NPR3: variants seen among roughly 807,000 people sequenced by gnomAD.
The protein encoded by NPR3 is atrial natriuretic peptide receptor 3.
NPR3 carries 34 observed loss-of-function variants against 54.5 expected under a neutral mutation model. That is an observed-to-expected ratio of 0.62 (90% CI 0.47 to 0.83). The LOEUF is 0.83. Among genes scored for constraint, NPR3 ranks in the 40% least tolerant of loss-of-function variants. The pLI is 0.00. For missense variants in NPR3, 674 were observed against 720.8 expected (o/e 0.94, Z 0.74); for synonymous variants, 289 against 297.1 (o/e 0.97, Z 0.28).
intron 3 of NPR3, among the ~76,000 whole-genome samples, chr5:32,742,163 T>C (rs1740071243): frequency 6.6e-6 from 1 of 152,114 alleles, no homozygotes. Context: ...ATGCCCATCA[T>C]GAGCTCTTCG....
chr5:32,711,872 C>T lies in NPR3; in HGVS notation c.96C>T (p.Gly32=). 9 of 1,463,692 alleles carry T rather than the reference C, an allele frequency of 6.1e-6. No homozygotes were observed. The highest frequency in any genetic ancestry group is 2.8e-5 in the Admixed American group (1 of 35,332). 90.7% of individuals were successfully genotyped at this position (1,463,692 alleles called of 1,614,324 possible). A position where few individuals can be genotyped will look rare whatever the true frequency, so the allele number is the denominator to read the frequency against. Residue 32 remains glycine (G), a synonymous_variant, in exon 1 of 8, where the codon GGC becomes GGT. Transcript: ENST00000265074. Reference sequence around the variant, plus strand: ...CCGGTGGCGGTGGCGTTGGCGGCGGCGGCGGTGGCGCGGGCATAGGCGGCG... The same window carrying T: ...CCGGTGGCGGTGGCGTTGGCGGCGGTGGCGGTGGCGCGGGCATAGGCGGCG... ...GGTGGGGVGG[G]GGGAGIGGGR...
At chr5:32,781,886 A>T (rs1042643820) in intron 5 of NPR3, among the ~76,000 whole-genome samples, 6 of 152,122 alleles carry the variant, frequency 3.9e-5, no homozygotes, top group African/African-American at 1.4e-4. Context: ...CTTCCTCTAG[A>T]CCTGACATGG....
At chr5:32,746,627 G>A (rs942308071) in intron 3 of NPR3, among the ~76,000 whole-genome samples, 1 of 152,148 alleles carries the variant, frequency 6.6e-6, no homozygotes, top group Non-Finnish European at 1.5e-5. Flanking sequence ...TCTGGACTAG[G>A]GAGACAGTTC....
intron 1 of NPR3, among the ~76,000 whole-genome samples, chr5:32,720,087 A>T (rs1043818233): frequency 1.3e-5 from 2 of 152,208 alleles, no homozygotes; most frequent in African/African-American, 4.8e-5. Context: ...AGAATTAGGC[A>T]GGAATATCTA....
chr5:32,726,819 A>T (rs1264193678), intron 2 of NPR3, among the ~76,000 whole-genome samples: 1 of 152,226 alleles, frequency 6.6e-6, no homozygotes, highest in Non-Finnish European at 1.5e-5. Flanking sequence ...AAGTACACTG[A>T]TAATTTTTGG....
At chr5:32,714,119 C>T (rs1461616573) in intron 1 of NPR3, among the ~76,000 whole-genome samples, 1 of 148,302 alleles carries the variant, frequency 6.7e-6, no homozygotes, top group Non-Finnish European at 1.5e-5. Flanking sequence ...CTCCAGTTCT[C>T]GGCTTTCGAG....
intron 4 of NPR3, among the ~76,000 whole-genome samples, chr5:32,775,926 C>A (rs1485955338): frequency 6.6e-6 from 1 of 152,168 alleles, no homozygotes; most frequent in East Asian, 1.9e-4. Context: ...TCTCAAGCAA[C>A]TTCTGTTGGC....
intron 1 of NPR3, among the ~76,000 whole-genome samples, chr5:32,694,987 T>G (rs1740488168): frequency 6.6e-6 from 1 of 152,226 alleles, no homozygotes; most frequent in South Asian, 2.1e-4. Flanking sequence ...CTTAGTTCAT[T>G]TAACATAATG....
chr5:32,726,453 C>G (rs1739142153), intron 2 of NPR3, among the ~76,000 whole-genome samples: 2 of 152,160 alleles, frequency 1.3e-5, no homozygotes, highest in African/African-American at 4.8e-5. Context: ...TTTACACAAG[C>G]AGAGTGGTGC....
At chr5:32,695,557 C>A (rs1740510147) in intron 1 of NPR3, among the ~76,000 whole-genome samples, 1 of 152,228 alleles carries the variant, frequency 6.6e-6, no homozygotes, top group African/African-American at 2.4e-5. Context: ...CGTAAGCCAC[C>A]ACGCCTGGCC....
chr5:32,771,778 C>T (rs770801968), intron 3 of NPR3, among the ~76,000 whole-genome samples: 11 of 152,034 alleles, frequency 7.2e-5, no homozygotes, highest in Non-Finnish European at 1.3e-4. Context: ...GAACAGAATG[C>T]GGGAAGACTG....
chr5:32,780,151 T>C (rs1742263641), intron 4 of NPR3, among the ~76,000 whole-genome samples: 1 of 152,252 alleles, frequency 6.6e-6, no homozygotes, highest in South Asian at 2.1e-4. Flanking sequence ...GTCCAGAGAA[T>C]GTTTGGATAA....
chr5:32,739,453 G>A (rs926912766), intron 3 of NPR3, among the ~76,000 whole-genome samples: 1 of 152,152 alleles, frequency 6.6e-6, no homozygotes. Context: ...GATATTTGGG[G>A]TTTTAGGATA....
chr5:32,733,818 C>T (rs575986314), intron 2 of NPR3, among the ~76,000 whole-genome samples: 15 of 152,220 alleles, frequency 9.9e-5, no homozygotes, highest in East Asian at 3.9e-4. Context: ...TTGTTTTTAA[C>T]GTTTTTGTCA....
intron 3 of NPR3, among the ~76,000 whole-genome samples, chr5:32,739,678 C>A (rs145682146): frequency 3.1e-4 from 47 of 152,288 alleles, no homozygotes; most frequent in African/African-American, 1.1e-3. Context: ...AGAGCTGGCA[C>A]CGCAGGCAGC....
At chr5:32,737,945 T>C (rs996550512) in intron 2 of NPR3, among the ~76,000 whole-genome samples, 1 of 152,000 alleles carries the variant, frequency 6.6e-6, no homozygotes, top group Non-Finnish European at 1.5e-5. Context: ...TTATAATATA[T>C]GTGCTTAATA....
At position 32,738,919 on chromosome 5, in the gene NPR3, C is replaced by T. The variant is rs1168980207; in HGVS notation, c.948C>T (p.Tyr316=). 6.2e-7 allele frequency: 1 copy of T among 1,613,770 alleles called. No homozygotes were observed. The change falls in exon 3 of 8, where the codon TAC becomes TAT. Residue 316 remains tyrosine, a synonymous_variant. Transcript: ENST00000265074. The part of the protein sequence containing the change: ...DKHDFEAKQA[Y]SSLQTVTLLR... The stretch of plus-strand genomic sequence containing the variant: ...ACGACTTTGAAGCTAAGCAAGCATA[C>T]TCGTCCCTCCAGACAGTCACTCTAC...
At chr5:32,699,187 C>T (rs777887546) in intron 1 of NPR3, among the ~76,000 whole-genome samples, 2 of 151,646 alleles carry the variant, frequency 1.3e-5, no homozygotes, top group Non-Finnish European at 2.9e-5. Context: ...ATAATATAAC[C>T]CACTTATTTT....
chr5:32,757,750 C>T (rs1740924052), intron 3 of NPR3, among the ~76,000 whole-genome samples: 2 of 152,108 alleles, frequency 1.3e-5, no homozygotes, highest in African/African-American at 4.8e-5. Flanking sequence ...TCATAAATAG[C>T]TCTTATTATT....
Sources: gnomAD v4.1 joint callset for allele counts (sites outside exome capture counted in the v4.1 genomes callset) on GRCh38, gnomAD v4.1.1 for gene constraint, MANE v1.5 for transcripts, NCBI Gene and HGNC (gene_info 2026-07-23, HGNC 2026-07-21) for gene names.